SLC38A4: variants seen among roughly 807,000 people sequenced by gnomAD.
The protein encoded by SLC38A4 is solute carrier family 38 member 4, also known as sodium-coupled neutral amino acid transporter 4.
Under a neutral mutation model 63.1 loss-of-function variants are expected in SLC38A4, and 20 were observed. The ratio of observed to expected loss-of-function variants is 0.32; its 90% CI spans 0.22 to 0.46. The LOEUF (loss-of-function observed/expected upper bound fraction) is 0.46, where lower values mean the gene tolerates loss of function less well. Among genes scored for constraint, SLC38A4 ranks in the 20% least tolerant of loss-of-function variants. The probability of loss-of-function intolerance (pLI) is 1.00; values close to 1 mark genes in which losing one functional copy is unlikely to be tolerated. For missense variants in SLC38A4, 526 were observed against 663.6 expected (o/e 0.79, Z 2.28); for synonymous variants, 230 against 225.5 (o/e 1.02, Z -0.18).
At chr12:46,822,521 T>C (rs960707413) in intron 1 of SLC38A4, among the ~76,000 whole-genome samples, 1 of 152,156 alleles carries the variant, frequency 6.6e-6, no homozygotes, top group African/African-American at 2.4e-5. Flanking sequence ...CAACCCACTG[T>C]CTAACTTCTG....
chr12:46,813,405 T>C (rs867012351), intron 1 of SLC38A4, among the ~76,000 whole-genome samples: 9 of 152,082 alleles, frequency 5.9e-5, no homozygotes, highest in Middle Eastern at 3.4e-3. Flanking sequence ...ACTCTTTTTC[T>C]CAAATATGGA....
At chr12:46,768,989 T>C (rs1346861308) in intron 15 of SLC38A4, among the ~76,000 whole-genome samples, 5 of 152,086 alleles carry the variant, frequency 3.3e-5, no homozygotes, top group South Asian at 2.1e-4. Context: ...GTGGAGCTAA[T>C]ACCTAAGTCC....
At chr12:46,787,197 C>T (rs1592182727) in intron 5 of SLC38A4, among the ~76,000 whole-genome samples, 1 of 152,336 alleles carries the variant, frequency 6.6e-6, no homozygotes, top group South Asian at 2.1e-4. Context: ...GTACCAGGCA[C>T]TGCTCTAGGT....
At chr12:46,788,662 T>G (rs1592183547) in intron 3 of SLC38A4, 44 bp from the exon 4 acceptor site, 1 of 1,501,610 alleles carries the variant, frequency 6.7e-7, no homozygotes, top group Admixed American at 1.7e-5. Flanking sequence ...AACATCTAAA[T>G]ATATGCTCTG....
chr12:46,783,992 G>A (rs966581897), intron 7 of SLC38A4, among the ~76,000 whole-genome samples: 3 of 151,554 alleles, frequency 2.0e-5, no homozygotes, highest in Non-Finnish European at 4.4e-5. Flanking sequence ...TAATTCAGTG[G>A]GAATTATAAG....
At chr12:46,797,918 G>A (rs781229242) in intron 2 of SLC38A4, among the ~76,000 whole-genome samples, 25 of 152,078 alleles carry the variant, frequency 1.6e-4, no homozygotes, top group Non-Finnish European at 3.1e-4. Context: ...AAAAGCATAA[G>A]AGCCTTCTAT....
At position 46,765,912 on chromosome 12, in the gene SLC38A4, CAA is replaced by C. The variant is rs1214116658; in HGVS notation, c.*787_*788del. The C allele has an allele frequency of 6.4e-6, 1 of 157,050 alleles. No individual in the cohort carries two copies. The highest frequency in any genetic ancestry group is 1.4e-5 in the Non-Finnish European group (1 of 70,908). 9.7% of individuals were successfully genotyped at this position (157,050 alleles called of 1,614,324 possible). A position where few individuals can be genotyped will look rare whatever the true frequency, so the allele number is the denominator to read the frequency against. Reference sequence around the variant, plus strand: ...GCATTGTTCAATGACAAAAGTATGACAAGAGGATTTAGGAATAACATGAAAAA... The same window carrying C: ...GCATTGTTCAATGACAAAAGTATGACGAGGATTTAGGAATAACATGAAAAA... On this transcript the variant is annotated 3_prime_UTR_variant, in exon 17 of 17. Coordinates refer to ENST00000266579, the MANE Select transcript of SLC38A4 (RefSeq NM_018018.5).
chr12:46,811,996 T>G (rs763683845), intron 1 of SLC38A4, among the ~76,000 whole-genome samples: 8 of 152,086 alleles, frequency 5.3e-5, no homozygotes, highest in Non-Finnish European at 1.0e-4. Flanking sequence ...TCAACATATT[T>G]CAACTTGTCT....
At chr12:46,828,361 G>A (rs72644831), upstream of SLC38A4, among the ~76,000 whole-genome samples, 35,642 of 151,872 alleles carry the variant, frequency 0.23, 4,655 homozygotes, top group East Asian at 0.35. Context: ...TCGCTCCGTC[G>A]CCCAGGCTGG....
rs149095893 is a variant in SLC38A4 at position 46,789,579 on chromosome 12, G to A, written c.120-961C>T. Among the ~76,000 whole-genome samples the A allele has an allele frequency of 5.8e-3, 877 of 152,256 alleles. 8 individuals carry two copies. The highest frequency in any genetic ancestry group is 0.02 in the African/African-American group (836 of 41,548). Reference sequence around the variant, plus strand: ...GACCTAGGACCAGCCACATTTCCAAGAGGCTCAATTAATAAGGCCTGCTGC... The same window carrying A: ...GACCTAGGACCAGCCACATTTCCAAAAGGCTCAATTAATAAGGCCTGCTGC... On this transcript the variant is annotated intron_variant, in intron 3 of 16. Transcript: ENST00000266579.
intron 3 of SLC38A4, among the ~76,000 whole-genome samples, chr12:46,791,003 C>A (rs1272534408): frequency 6.6e-6 from 1 of 152,130 alleles, no homozygotes; most frequent in Non-Finnish European, 1.5e-5. Flanking sequence ...GAACACATTG[C>A]ATGAAGCTTA....
intron 7 of SLC38A4, among the ~76,000 whole-genome samples, chr12:46,781,070 T>C (rs12307218): frequency 0.014 from 2,192 of 152,168 alleles, 50 homozygotes; most frequent in African/African-American, 0.05. Context: ...ATGATAATAA[T>C]TCCCCACATT....
chr12:46,820,501 A>T (rs540412119), intron 1 of SLC38A4, among the ~76,000 whole-genome samples: 34 of 152,138 alleles, frequency 2.2e-4, no homozygotes, highest in African/African-American at 7.2e-4. Flanking sequence ...CACAAATAGC[A>T]GGATTTCTTT....
intron 2 of SLC38A4, among the ~76,000 whole-genome samples, chr12:46,798,671 C>T (rs78622689): frequency 1.2e-3 from 182 of 152,250 alleles, no homozygotes; most frequent in African/African-American, 4.1e-3. Context: ...TTAAGCCATG[C>T]TAATCCCAGA....
intron 1 of SLC38A4, among the ~76,000 whole-genome samples, chr12:46,807,573 G>A (rs913231241): frequency 6.6e-6 from 1 of 151,808 alleles, no homozygotes; most frequent in African/African-American, 2.4e-5. Context: ...GATCTTTTTT[G>A]ATGTCATTGT....
rs77343632 is a variant in SLC38A4 at position 46,774,877 on chromosome 12, A to G, written c.1299+172T>C. ...AATACCACCTGAAACTACTTGCTCTATCTACACATTAAATGGCCAATTTTA... is the reference window on the plus strand; with the variant it reads ...AATACCACCTGAAACTACTTGCTCTGTCTACACATTAAATGGCCAATTTTA... On this transcript the variant is annotated intron_variant, in intron 14 of 16. Transcript: ENST00000266579. Among the ~76,000 whole-genome samples, 428 of 152,170 alleles carry G rather than the reference A, an allele frequency of 2.8e-3. 16 individuals carry two copies. In the East Asian group the frequency reaches 0.068, roughly 24 times the overall value.
At chr12:46,820,545 T>C (rs1001247921) in intron 1 of SLC38A4, among the ~76,000 whole-genome samples, 16 of 152,090 alleles carry the variant, frequency 1.1e-4, no homozygotes, top group African/African-American at 2.4e-5. Context: ...TCATTTTATG[T>C]ATATACCACG....
intron 10 of SLC38A4, 64 bp from the exon 11 acceptor site, chr12:46,778,840 A>C: frequency 4.0e-6 from 6 of 1,483,206 alleles, no homozygotes; most frequent in Non-Finnish European, 4.6e-6. Context: ...TGAAATAAGA[A>C]TCCATATGTG....
chr12:46,768,496 T>C, intron 15 of SLC38A4, 89 bp from the exon 16 acceptor site: 1 of 835,864 alleles, frequency 1.2e-6, no homozygotes, highest in Non-Finnish European at 1.9e-6. Context: ...ATAAACCAAA[T>C]ATAAAGCTAT....
Sources: gnomAD v4.1 joint callset for allele counts (sites outside exome capture counted in the v4.1 genomes callset) on GRCh38, gnomAD v4.1.1 for gene constraint, MANE v1.5 for transcripts, NCBI Gene and HGNC (gene_info 2026-07-23, HGNC 2026-07-21) for gene names.